The following KCNQ1OT1 variants were observed in gnomAD, a reference collection of about 807,000 sequenced individuals.
KCNQ1OT1 encodes KCNQ1 opposite strand/antisense transcript 1.
At chr11:2,615,310 A>AT in exon 1 of KCNQ1OT1, 1 of 397,924 alleles carries the variant, frequency 2.5e-6, no homozygotes, top group Non-Finnish European at 4.4e-6. Flanking sequence ...GGATTCTTTG[A>AT]TTTTCTAGAT....
exon 1 of KCNQ1OT1, chr11:2,684,862 T>G: frequency 2.5e-6 from 1 of 398,706 alleles, no homozygotes; most frequent in East Asian, 3.6e-5. Context: ...CCAGGGAGTC[T>G]GCTGAGACAA....
chr11:2,648,697 GTATA>G (rs1849705404), exon 1 of KCNQ1OT1: 1 of 398,292 alleles, frequency 2.5e-6, no homozygotes, highest in African/African-American at 2.1e-5. Flanking sequence ...CTAACATATG[GTATA>G]TCCTGGAGAA....
chr11:2,692,055 A>ACCCAGCCAGAC (rs1850596781), exon 1 of KCNQ1OT1: 1 of 398,180 alleles, frequency 2.5e-6, no homozygotes, highest in Non-Finnish European at 4.4e-6. Context: ...TGTCTCTCCA[A>ACCCAGCCAGAC]CCCAGCCAGA....
exon 1 of KCNQ1OT1, chr11:2,634,424 C>T (rs1249563272): frequency 2.4e-4 from 41 of 172,812 alleles, no homozygotes; most frequent in South Asian, 6.3e-4. Context: ...TGAGAACATG[C>T]GGTGTTTGGT....
At chr11:2,696,584 A>G (rs1850680229) in exon 1 of KCNQ1OT1, 1 of 398,664 alleles carries the variant, frequency 2.5e-6, no homozygotes, top group East Asian at 3.6e-5. Context: ...TATGTTTGTT[A>G]AATTACTCAA....
exon 1 of KCNQ1OT1, chr11:2,648,987 T>C (rs1380608336): frequency 8.1e-5 from 22 of 270,660 alleles, no homozygotes; most frequent in South Asian, 1.6e-4. Context: ...TTTTCTTTTT[T>C]TTTTTTTTTT....
exon 1 of KCNQ1OT1, chr11:2,629,279 T>C (rs1171284175): frequency 1.0e-5 from 4 of 398,292 alleles, no homozygotes; most frequent in Non-Finnish European, 1.8e-5. Flanking sequence ...CAATGTTTCA[T>C]AGTTTTCAGT....
At chr11:2,699,174 A>G (rs1351488546) in exon 1 of KCNQ1OT1, 1 of 398,598 alleles carries the variant, frequency 2.5e-6, no homozygotes, top group African/African-American at 2.1e-5. Flanking sequence ...CATGAGAACT[A>G]TAGACCCGGA....
In KCNQ1OT1 at chr11:2,674,722, C is replaced by T. The variant is rs1850260669; in HGVS notation, n.25273G>A. ...TTCCTGATGACTCCTTCCTTCTGAA[C>T]TTAACTCGTTAAAGTTGCTCCAATC... is the stretch of plus-strand genomic sequence containing the variant. On this transcript the variant is annotated non_coding_transcript_exon_variant, in exon 1 of 1. Coordinates refer to ENST00000597346, the Ensembl canonical transcript of KCNQ1OT1. The surrounding 1 kb of genome is among the most constrained non-coding windows in gnomAD (Gnocchi z 5.9). 1 of 397,106 alleles carries T rather than the reference C, an allele frequency of 2.5e-6. No individual in the cohort carries two copies. Among genetic ancestry groups the T allele is most frequent in the Non-Finnish European group, 4.4e-6 (1 of 225,908 alleles). 24.6% of individuals were successfully genotyped at this position (397,106 alleles called of 1,614,324 possible).
chr11:2,635,930 A>C (rs1410688598), exon 1 of KCNQ1OT1: 1 of 152,054 alleles, frequency 6.6e-6, no homozygotes, highest in Non-Finnish European at 1.5e-5. Flanking sequence ...TAGGTATTTT[A>C]TTCTCTTTGA....
chr11:2,629,243 T>G, exon 1 of KCNQ1OT1: 1 of 398,344 alleles, frequency 2.5e-6, no homozygotes. Flanking sequence ...ATCTTTCCAT[T>G]TATTTGTATC....
Position 2,613,422 on chromosome 11 carries a change from A to G in KCNQ1OT1, n.86573T>C. 1.0e-5 allele frequency: 4 copies of G among 398,622 alleles called. No individual in the cohort carries two copies. The highest frequency in any genetic ancestry group is 4.4e-5 in the Admixed American group (1 of 22,728). 24.7% of individuals were successfully genotyped at this position (398,622 alleles called of 1,614,324 possible). On this transcript the variant is annotated non_coding_transcript_exon_variant, in exon 1 of 1. Coordinates refer to ENST00000597346, the Ensembl canonical transcript of KCNQ1OT1. This position sits in a 1 kb window ranked among gnomAD's most constrained non-coding sequence, Gnocchi z 4.8. ...GCCACTGAAATCCTTGTTGCTTAAC[A>G]TAGTGCATAGGGTTTTCTATGGAAT...
rs1212590040 is a variant in KCNQ1OT1, at chr11:2,653,156, C to A, written n.46839G>T. 15 of 398,722 alleles carry A rather than the reference C, an allele frequency of 3.8e-5. No individual in the cohort carries two copies. The East Asian group carries it at 5.0e-4, about 13-fold the overall frequency. 24.7% of individuals were successfully genotyped at this position (398,722 alleles called of 1,614,324 possible). A position where few individuals can be genotyped will look rare whatever the true frequency, so the allele number is the denominator to read the frequency against. ...ATCACAGCAGTAGAAAGCCAATGTC[C>A]CACCTTAGGAAATCCCTTTCCAAGA... On this transcript the variant is annotated non_coding_transcript_exon_variant, in exon 1 of 1. Coordinates refer to ENST00000597346, the Ensembl canonical transcript of KCNQ1OT1. The surrounding 1 kb of genome is among the most constrained non-coding windows in gnomAD (Gnocchi z 5.3).
chr11:2,620,515 C>T lies in KCNQ1OT1; in HGVS notation n.79480G>A, dbSNP rs755937570. On this transcript the variant is annotated non_coding_transcript_exon_variant, in exon 1 of 1. Coordinates refer to ENST00000597346, the Ensembl canonical transcript of KCNQ1OT1. The surrounding 1 kb of genome is among the most constrained non-coding windows in gnomAD (Gnocchi z 4.5). ...ACAGGTGAGAGCTACCGCACCTGGCCGAATTCATTCATTTTTATGGCTGCA... is the reference window on the plus strand; with the variant it reads ...ACAGGTGAGAGCTACCGCACCTGGCTGAATTCATTCATTTTTATGGCTGCA... 19 of 383,980 alleles carry T rather than the reference C, an allele frequency of 4.9e-5. No individual in the cohort carries two copies. The highest frequency in any genetic ancestry group is 2.9e-4 in the South Asian group (2 of 6,890). The allele number at this position is 383,980 out of a possible 1,614,324, so 23.8% of individuals were successfully genotyped here.
In KCNQ1OT1 at chr11:2,621,570, A is replaced by G. The variant is rs188161792; in HGVS notation, n.78425T>C. The stretch of plus-strand genomic sequence containing the variant: ...AGTTTACCACTGTGATCTCTTTGCT[A>G]TTGGTCTGTTCAGGCTTTCTATTCC... On this transcript the variant is annotated non_coding_transcript_exon_variant, in exon 1 of 1. Transcript: ENST00000597346. The surrounding 1 kb of genome is among the most constrained non-coding windows in gnomAD (Gnocchi z 5.7). 341 of 398,270 alleles carry G rather than the reference A, an allele frequency of 8.6e-4. 3 individuals are homozygous for G. In the East Asian group the frequency reaches 0.01, roughly 12 times the overall value. The allele number at this position is 398,270 out of a possible 1,614,324, so 24.7% of individuals were successfully genotyped here.
rs895743121 is a variant in KCNQ1OT1 at position 2,698,928 on chromosome 11, C to T, written n.1067G>A. 5.0e-6 allele frequency: 2 copies of T among 398,570 alleles called. No individual in the cohort carries two copies. The highest frequency in any genetic ancestry group is 8.8e-6 in the Non-Finnish European group (2 of 226,130). The allele number at this position is 398,570 out of a possible 1,614,324, so 24.7% of individuals were successfully genotyped here. A position where few individuals can be genotyped will look rare whatever the true frequency, so the allele number is the denominator to read the frequency against. On this transcript the variant is annotated non_coding_transcript_exon_variant, in exon 1 of 1. Transcript: ENST00000597346. This position sits in a 1 kb window ranked among gnomAD's most constrained non-coding sequence, Gnocchi z 5.1. ...TCCCAGCCAGGATGTGGACCCTAGA[C>T]CCGAATTCTGATCCCAACTAGGATA...
chr11:2,668,454 T>G lies in KCNQ1OT1; in HGVS notation n.31541A>C. On this transcript the variant is annotated non_coding_transcript_exon_variant, in exon 1 of 1. Coordinates refer to ENST00000597346, the Ensembl canonical transcript of KCNQ1OT1. The surrounding 1 kb of genome is among the most constrained non-coding windows in gnomAD (Gnocchi z 4.3). ...TTCTGGCTGCTCCACATCCTAACAC[T>G]TGGCATTTTCCGTCGTTTCCTTTTC... is the stretch of plus-strand genomic sequence containing the variant. 1 of 398,624 alleles carries G rather than the reference T, an allele frequency of 2.5e-6. No homozygotes were observed. The highest frequency in any genetic ancestry group is 4.4e-6 in the Non-Finnish European group (1 of 226,070). The allele number at this position is 398,624 out of a possible 1,614,324, so 24.7% of individuals were successfully genotyped here.
exon 1 of KCNQ1OT1, chr11:2,685,346 G>A: frequency 2.5e-6 from 1 of 398,674 alleles, no homozygotes; most frequent in Admixed American, 4.4e-5. Flanking sequence ...GTCATGGAGG[G>A]TACATGGGCA....
rs1850339454 is a variant in KCNQ1OT1, at chr11:2,678,881, A to C, written n.21114T>G. ...TGCACAGGAGTTGCCAGCTGGACCC[A>C]AGGACCATTTCGTATACATGTATGA... On this transcript the variant is annotated non_coding_transcript_exon_variant, in exon 1 of 1. Coordinates refer to ENST00000597346, the Ensembl canonical transcript of KCNQ1OT1. This position sits in a 1 kb window ranked among gnomAD's most constrained non-coding sequence, Gnocchi z 4.9. The C allele has an allele frequency of 2.5e-6, 1 of 398,504 alleles. No individual in the cohort carries two copies. The highest frequency in any genetic ancestry group is 2.1e-5 in the African/African-American group (1 of 48,622). The allele number at this position is 398,504 out of a possible 1,614,324, so 24.7% of individuals were successfully genotyped here.
Sources: gnomAD v4.1 joint callset for allele counts on GRCh38, gnomAD v4.1.1 for gene constraint, Gnocchi (gnomAD v3.1) non-coding constraint, MANE v1.5 for transcripts, NCBI Gene and HGNC (gene_info 2026-07-23, HGNC 2026-07-21) for gene names.